The following PDE1A variants were observed in gnomAD, a reference collection of about 807,000 sequenced individuals.
PDE1A encodes the protein dual specificity calcium/calmodulin-dependent 3',5'-cyclic nucleotide phosphodiesterase 1A.
A neutral mutation model predicts 61.7 loss-of-function variants in PDE1A; 35 were observed. That is an observed-to-expected ratio of 0.57 (90% CI 0.43 to 0.75). The LOEUF (loss-of-function observed/expected upper bound fraction) is 0.75, where lower values mean the gene tolerates loss of function less well. Ranked by LOEUF, PDE1A falls within the 30% of genes least tolerant of loss-of-function variation. The pLI is 0.00. For missense variants in PDE1A, 597 were observed against 630.6 expected (o/e 0.95, Z 0.57); for synonymous variants, 232 against 213.2 (o/e 1.09, Z -0.77).
the PDE1A span, among the ~76,000 whole-genome samples, chr2:182,556,739 G>C: frequency 2.0e-5 from 3 of 152,126 alleles, no homozygotes; most frequent in African/African-American, 7.2e-5. Flanking sequence ...GCCATAACTA[G>C]AAATATGACA....
chr2:182,690,510 G>C, the PDE1A span, among the ~76,000 whole-genome samples: 2 of 152,070 alleles, frequency 1.3e-5, no homozygotes, highest in African/African-American at 4.8e-5. Flanking sequence ...CAATAAATTA[G>C]GTATTGATGG....
intron 1 of PDE1A, among the ~76,000 whole-genome samples, chr2:182,418,206 T>A (rs1261986430): frequency 6.6e-6 from 1 of 152,198 alleles, no homozygotes; most frequent in Non-Finnish European, 1.5e-5. Context: ...ATGTAATTAA[T>A]TATGTTCAGC....
chr2:182,201,534 G>A (rs764302011), exon 10 of PDE1A: 14 of 1,613,510 alleles, frequency 8.7e-6, no homozygotes, highest in African/African-American at 1.3e-5. Flanking sequence ...TGGAGAATCA[G>A]GGACATGGTT....
intron 2 of PDE1A, among the ~76,000 whole-genome samples, chr2:182,246,144 C>G (rs992312620): frequency 6.6e-6 from 1 of 152,194 alleles, no homozygotes; most frequent in African/African-American, 2.4e-5. Context: ...CCAACCTCAC[C>G]TTTTAACCAG....
At chr2:182,537,972 C>T in the PDE1A span, among the ~76,000 whole-genome samples, 101 of 152,118 alleles carry the variant, frequency 6.6e-4, no homozygotes, top group Admixed American at 2.7e-3. Flanking sequence ...TTTTGAGCTC[C>T]GATTTATGTG....
At chr2:182,674,411 T>A in the PDE1A span, among the ~76,000 whole-genome samples, 1 of 152,162 alleles carries the variant, frequency 6.6e-6, no homozygotes, top group Non-Finnish European at 1.5e-5. Context: ...ATTTATTTAA[T>A]CTGTGTTCTT....
At chr2:182,615,422 T>C in the PDE1A span, among the ~76,000 whole-genome samples, 2 of 152,130 alleles carry the variant, frequency 1.3e-5, no homozygotes, top group Admixed American at 6.5e-5. Flanking sequence ...ACAATACAAT[T>C]AAAATATTAT....
chr2:182,682,987 T>C, the PDE1A span, among the ~76,000 whole-genome samples: 3 of 152,280 alleles, frequency 2.0e-5, no homozygotes, highest in South Asian at 6.2e-4. Context: ...GTTTCTAACA[T>C]AAAATTGTGC....
intron 8 of PDE1A, 70 bp from the exon 9 acceptor site, chr2:182,201,859 A>G: frequency 1.1e-6 from 1 of 897,584 alleles, no homozygotes; most frequent in South Asian, 1.5e-5. Flanking sequence ...ACTTCAATAA[A>G]TAATCACTCA....
chr2:182,528,589 C>A, the PDE1A span, among the ~76,000 whole-genome samples: 1 of 152,186 alleles, frequency 6.6e-6, no homozygotes, highest in Non-Finnish European at 1.5e-5. Flanking sequence ...AATGAGGAGC[C>A]AAATGATAAT....
chr2:182,565,180 G>A, the PDE1A span, among the ~76,000 whole-genome samples: 39 of 152,100 alleles, frequency 2.6e-4, no homozygotes, highest in Non-Finnish European at 4.9e-4. Context: ...CCATCTTTGT[G>A]GTTTTATCTA....
At chr2:182,307,934 T>C (rs1200184902) in intron 1 of PDE1A, among the ~76,000 whole-genome samples, 1 of 151,780 alleles carries the variant, frequency 6.6e-6, no homozygotes, top group South Asian at 2.1e-4. Flanking sequence ...AAGAGAACCC[T>C]TGTACACTGC....
intron 13 of PDE1A, among the ~76,000 whole-genome samples, chr2:182,170,446 C>A (rs974698825): frequency 1.6e-4 from 24 of 151,504 alleles, no homozygotes; most frequent in Non-Finnish European, 3.0e-4. Flanking sequence ...TAAGATTAAA[C>A]AGAAGTAGAT....
intron 13 of PDE1A, among the ~76,000 whole-genome samples, chr2:182,169,756 C>A (rs1275954186): frequency 6.6e-6 from 1 of 151,994 alleles, no homozygotes; most frequent in Non-Finnish European, 1.5e-5. Flanking sequence ...CAGATCCTTT[C>A]TTGTCCTAGT....
At chr2:182,212,474 A>AT (rs1687708077) in intron 7 of PDE1A, among the ~76,000 whole-genome samples, 1 of 152,176 alleles carries the variant, frequency 6.6e-6, no homozygotes, top group Non-Finnish European at 1.5e-5. Flanking sequence ...GACGCAGAAG[A>AT]CGGTGATTTC....
At chr2:182,550,877 C>T in the PDE1A span, among the ~76,000 whole-genome samples, 1 of 152,030 alleles carries the variant, frequency 6.6e-6, no homozygotes, top group Non-Finnish European at 1.5e-5. Flanking sequence ...AGCATAGAGG[C>T]AAGAGGGGCT....
chr2:182,712,584 T>A, the PDE1A span, among the ~76,000 whole-genome samples: 3 of 152,008 alleles, frequency 2.0e-5, no homozygotes, highest in African/African-American at 7.3e-5. Flanking sequence ...TGAGACGGAG[T>A]CTTGCTCTGT....
At chr2:182,269,931 G>T (rs1324337539) in intron 1 of PDE1A, among the ~76,000 whole-genome samples, 1 of 152,042 alleles carries the variant, frequency 6.6e-6, no homozygotes, top group African/African-American at 2.4e-5. Context: ...GAGGCTATTG[G>T]TATATACCTT....
chr2:182,206,094 G>A (rs757778183), intron 7 of PDE1A, 29 bp from the exon 8 acceptor site: 2 of 1,586,962 alleles, frequency 1.3e-6, no homozygotes, highest in South Asian at 2.3e-5. Flanking sequence ...ATGCCCAACA[G>A]AGGATTTCTT....
Sources: allele counts gnomAD v4.1 joint callset (sites outside exome capture counted in the v4.1 genomes callset), GRCh38; gene constraint gnomAD v4.1.1; transcripts MANE v1.5; gene names NCBI Gene and HGNC (gene_info 2026-07-23, HGNC 2026-07-21).